C3orf20: variants seen among roughly 807,000 people sequenced by gnomAD.
C3orf20 encodes family with sequence similarity 149 member C.
In C3orf20, 76 loss-of-function variants were observed where a neutral mutation model predicts 88.3. The ratio of observed to expected loss-of-function variants is 0.86; its 90% CI spans 0.72 to 1.04. The LOEUF (loss-of-function observed/expected upper bound fraction) is 1.04. C3orf20 is among the 50% of genes least tolerant of loss of function. The probability of loss-of-function intolerance (pLI) is 0.00; values close to 1 mark genes in which losing one functional copy is unlikely to be tolerated. For missense variants in C3orf20, 1,056 were observed against 1,123.3 expected, an observed-to-expected ratio of 0.94 and a Z score of 0.86; for synonymous variants, 436 against 437.4, an observed-to-expected ratio of 1.00 and a Z score of 0.04.
chr3:14,734,015 T>C (rs545884660), intron 12 of C3orf20, among the ~76,000 whole-genome samples: 36 of 152,330 alleles, frequency 2.4e-4, no homozygotes, highest in Non-Finnish European at 4.7e-4. Flanking sequence ...AAGATCCTTT[T>C]GCAATATTTT....
At chr3:14,693,078 T>C (rs1027146166) in intron 5 of C3orf20, among the ~76,000 whole-genome samples, 6 of 152,230 alleles carry the variant, frequency 3.9e-5, no homozygotes, top group African/African-American at 1.4e-4. Context: ...TTCACTGGTC[T>C]ACATATCTGT....
Position 14,704,591 on chromosome 3 carries a change from C to A in C3orf20, c.1133C>A (p.Thr378Asn). ...AAGAAGGCCTTCAAGTTTCATTACA[C>A]CTTCTATGATGGCTCCTCCTTCGTT... is the stretch of plus-strand genomic sequence containing the variant. The part of the protein sequence containing the change: ...APKKAFKFHY[T>N]FYDGSSFVYY... Residue 378 changes from threonine (T) to asparagine (N), a missense_variant, in exon 7 of 17, where the codon ACC becomes AAC. Thr to Asn is a moderately conservative substitution (Grantham distance 65). Coordinates refer to ENST00000253697, the MANE Select transcript of C3orf20 (RefSeq NM_032137.5). The A allele has an allele frequency of 6.2e-7, 1 of 1,613,988 alleles. No individual in the cohort carries two copies. The highest frequency in any genetic ancestry group is 8.5e-7 in the Non-Finnish European group (1 of 1,180,022).
At chr3:14,751,264 T>C (rs2035211240) in intron 12 of C3orf20, among the ~76,000 whole-genome samples, 1 of 152,232 alleles carries the variant, frequency 6.6e-6, no homozygotes, top group Admixed American at 6.5e-5. Flanking sequence ...TGAAGATGGC[T>C]GAATAGAAAC....
chr3:14,697,899 T>A (rs912808336), intron 5 of C3orf20, among the ~76,000 whole-genome samples: 3 of 152,174 alleles, frequency 2.0e-5, no homozygotes, highest in African/African-American at 7.2e-5. Flanking sequence ...CATCCTTTTT[T>A]ATGGCTGCAT....
intron 15 of C3orf20, among the ~76,000 whole-genome samples, chr3:14,769,016 C>T (rs2035792753): frequency 6.6e-6 from 1 of 152,038 alleles, no homozygotes; most frequent in Admixed American, 6.5e-5. Context: ...TAGTCGTTCA[C>T]GATCCTCTGA....
intron 9 of C3orf20, among the ~76,000 whole-genome samples, chr3:14,717,931 A>G (rs1027295518): frequency 6.6e-6 from 1 of 152,100 alleles, no homozygotes; most frequent in Non-Finnish European, 1.5e-5. Context: ...GTAGTTATTC[A>G]AGTCACTGTT....
intron 12 of C3orf20, among the ~76,000 whole-genome samples, chr3:14,736,738 C>T (rs1216704144): frequency 6.6e-6 from 1 of 151,072 alleles, no homozygotes; most frequent in Non-Finnish European, 1.5e-5. Flanking sequence ...AGCTAATTTT[C>T]ATATTTTTAA....
At chr3:14,722,301 A>G in intron 10 of C3orf20, 1 of 366,194 alleles carries the variant, frequency 2.7e-6, no homozygotes, top group Non-Finnish European at 5.4e-6. Flanking sequence ...ATCAACACTC[A>G]TTGGCTCTAT....
At chr3:14,704,957 C>G (rs2033437090) in intron 7 of C3orf20, among the ~76,000 whole-genome samples, 1 of 152,216 alleles carries the variant, frequency 6.6e-6, no homozygotes. Context: ...CAAATCATGT[C>G]TAGTGGAGAG....
chr3:14,690,243 G>A, intron 5 of C3orf20, 127 bp downstream of exon 5: 2 of 1,320,100 alleles, frequency 1.5e-6, no homozygotes, highest in Non-Finnish European at 2.1e-6. Flanking sequence ...AGGATACATA[G>A]CGGCTCTGCC....
intron 1 of C3orf20, among the ~76,000 whole-genome samples, chr3:14,679,101 A>G (rs1361866825): frequency 1.3e-5 from 2 of 152,190 alleles, no homozygotes; most frequent in Non-Finnish European, 2.9e-5. Context: ...TCTTGTTCCT[A>G]TCTGCCTGGC....
chr3:14,679,283 C>T (rs1381885080), intron 1 of C3orf20, among the ~76,000 whole-genome samples: 4 of 152,118 alleles, frequency 2.6e-5, no homozygotes, highest in Non-Finnish European at 4.4e-5. Context: ...GGTCAAGATC[C>T]ATGTCTCAGT....
At chr3:14,712,726 T>C (rs2033799478) in intron 7 of C3orf20, among the ~76,000 whole-genome samples, 1 of 152,220 alleles carries the variant, frequency 6.6e-6, no homozygotes, top group Admixed American at 6.5e-5. Context: ...TTTACTTATA[T>C]AGTTAACTTT....
At chr3:14,723,676 C>T (rs73137419) in intron 10 of C3orf20, among the ~76,000 whole-genome samples, 1,644 of 152,294 alleles carry the variant, frequency 0.011, 21 homozygotes, top group African/African-American at 0.036. Context: ...GCAAACTACC[C>T]GCAAGAGTTT....
At chr3:14,684,130 G>C (rs901897436) in intron 3 of C3orf20, 112 bp from the exon 4 acceptor site, 6 of 1,429,906 alleles carry the variant, frequency 4.2e-6, no homozygotes, top group African/African-American at 1.4e-5. Context: ...GCATACCCTA[G>C]GAATAGCGCT....
In C3orf20 at chr3:14,683,205, C is replaced by T. The variant is rs1287385397; in HGVS notation, c.484+8C>T. The stretch of plus-strand genomic sequence containing the variant: ...TGGTGGAGTCTATGTCGGGTAAGGC[C>T]CAGATGTTTGTGTATGTGCCCACCA... On this transcript the variant is annotated splice_region_variant and intron_variant, in intron 3 of 16. Transcript: ENST00000253697. The T allele has an allele frequency of 6.4e-7, 1 of 1,556,950 alleles. No individual in the cohort carries two copies. The highest frequency in any genetic ancestry group is 8.7e-7 in the Non-Finnish European group (1 of 1,151,736).
At chr3:14,684,010 G>A (rs917666834) in intron 3 of C3orf20, among the ~76,000 whole-genome samples, 2 of 151,968 alleles carry the variant, frequency 1.3e-5, no homozygotes, top group African/African-American at 2.4e-5. Context: ...CAATAGCATC[G>A]GTACCCAGGC....
intron 15 of C3orf20, among the ~76,000 whole-genome samples, chr3:14,770,067 A>AG (rs1275117883): frequency 1.3e-5 from 2 of 152,166 alleles, no homozygotes; most frequent in Non-Finnish European, 2.9e-5. Context: ...CTGGGGCTCT[A>AG]GGGGGGCCCT....
At position 14,701,780 on chromosome 3, in the gene C3orf20, C is replaced by T. The variant is rs1024455172; in HGVS notation, c.746-1350C>T. 2.0e-5 allele frequency among the ~76,000 whole-genome samples: 3 copies of T among 152,138 alleles called. No homozygotes were observed. Among genetic ancestry groups the T allele is most frequent in the South Asian group, 2.1e-4 (1 of 4,828 alleles). ...CAAAAGGGTCCAATTCAGTGAGGGCCGTCCAGCCCTGGAAATGCTCTCTTT... is the reference window on the plus strand; with the variant it reads ...CAAAAGGGTCCAATTCAGTGAGGGCTGTCCAGCCCTGGAAATGCTCTCTTT... On this transcript the variant is annotated intron_variant, in intron 5 of 16. Transcript: ENST00000253697. This position sits in a 1 kb window ranked among gnomAD's most constrained non-coding sequence, Gnocchi z 4.6.
Sources: gnomAD v4.1 joint callset for allele counts (sites outside exome capture counted in the v4.1 genomes callset) on GRCh38, gnomAD v4.1.1 for gene constraint, Gnocchi (gnomAD v3.1) non-coding constraint, MANE v1.5 for transcripts, NCBI Gene and HGNC (gene_info 2026-07-23, HGNC 2026-07-21) for gene names.